The following RNF152 variants were observed in gnomAD, a reference collection of about 807,000 sequenced individuals.
RNF152 encodes the protein ring finger protein 152.
In RNF152, 11 loss-of-function variants were observed where a neutral mutation model predicts 12.7. That is an observed-to-expected ratio of 0.86 (90% CI 0.54 to 1.43). The LOEUF is 1.43. Ranked by LOEUF, RNF152 falls within the 40% of genes most tolerant of loss-of-function variation. The pLI, the probability that RNF152 is intolerant of heterozygous loss-of-function variation, is 0.00. For missense variants in RNF152, 255 were observed against 274.8 expected (o/e 0.93, Z 0.51); for synonymous variants, 113 against 120.3 (o/e 0.94, Z 0.40).
chr18:61,852,500 C>A (rs1162830379), intron 1 of RNF152, among the ~76,000 whole-genome samples: 1 of 152,206 alleles, frequency 6.6e-6, no homozygotes, highest in Non-Finnish European at 1.5e-5. Flanking sequence ...AGATGTAAGA[C>A]AGAGTCCTCA....
intron 1 of RNF152, among the ~76,000 whole-genome samples, chr18:61,838,061 A>G (rs1451188542): frequency 6.6e-6 from 1 of 152,218 alleles, no homozygotes; most frequent in African/African-American, 2.4e-5. Flanking sequence ...CCGTCCCCAC[A>G]TACAAAGGTA....
chr18:61,878,484 T>G (rs1912316328), intron 1 of RNF152, among the ~76,000 whole-genome samples: 1 of 152,244 alleles, frequency 6.6e-6, no homozygotes. Flanking sequence ...GTTAATCACT[T>G]GTTTGTTCAT....
chr18:61,822,495 G>A (rs1022382615), intron 1 of RNF152, among the ~76,000 whole-genome samples: 3 of 152,172 alleles, frequency 2.0e-5, no homozygotes, highest in African/African-American at 7.2e-5. Context: ...GTGACAAAGT[G>A]CGCGCATTCA....
intron 1 of RNF152, among the ~76,000 whole-genome samples, chr18:61,886,148 A>G (rs1372837697): frequency 1.3e-5 from 2 of 151,962 alleles, no homozygotes; most frequent in Non-Finnish European, 2.9e-5. Context: ...GGTCATTCTA[A>G]TTTGATTCAA....
chr18:61,877,548 A>C (rs1282875558), intron 1 of RNF152, among the ~76,000 whole-genome samples: 1 of 152,212 alleles, frequency 6.6e-6, no homozygotes, highest in Non-Finnish European at 1.5e-5. Flanking sequence ...TACACAGTGA[A>C]ATGAAAACTG....
intron 1 of RNF152, among the ~76,000 whole-genome samples, chr18:61,864,448 C>A (rs917999394): frequency 2.0e-5 from 3 of 152,200 alleles, no homozygotes; most frequent in Non-Finnish European, 4.4e-5. Context: ...ATTGGGTGCA[C>A]AGAGCTTCCA....
chr18:61,868,204 G>A (rs554470226), intron 1 of RNF152, among the ~76,000 whole-genome samples: 1 of 152,284 alleles, frequency 6.6e-6, no homozygotes, highest in Admixed American at 6.5e-5. Flanking sequence ...TAGACTTACA[G>A]CATATATCTG....
chr18:61,816,128 C>G lies in RNF152; in HGVS notation c.336G>C (p.Leu112=), dbSNP rs765453540. 7 of 1,614,104 alleles carry G rather than the reference C, an allele frequency of 4.3e-6. No individual in the cohort carries two copies. Among genetic ancestry groups the G allele is most frequent in the Non-Finnish European group, 5.9e-6 (7 of 1,180,048 alleles). Residue 112 remains leucine, a synonymous_variant, in exon 2 of 2, where the codon CTG becomes CTC. Coordinates refer to ENST00000312828, the MANE Select transcript of RNF152 (RefSeq NM_173557.3). ...LPLPISKERA[L]LPGDMGCRLL... ...GGCGGCAGCCCATGTCTCCGGGCAG[C>G]AGCGCACGCTCCTTGGAGATGGGCA...
chr18:61,847,453 C>T (rs908817692), intron 1 of RNF152, among the ~76,000 whole-genome samples: 1 of 152,198 alleles, frequency 6.6e-6, no homozygotes, highest in Non-Finnish European at 1.5e-5. Context: ...AAAAAATTCC[C>T]GCAAGTGTCC....
intron 1 of RNF152, among the ~76,000 whole-genome samples, chr18:61,826,495 C>T (rs190034559): frequency 4.6e-5 from 7 of 152,304 alleles, no homozygotes; most frequent in Admixed American, 1.3e-4. Flanking sequence ...ACCTTCCTCC[C>T]TTTCCCCTAC....
chr18:61,860,836 T>C (rs1054643872), intron 1 of RNF152, among the ~76,000 whole-genome samples: 10 of 152,350 alleles, frequency 6.6e-5, no homozygotes, highest in South Asian at 6.2e-4. Context: ...GGCAGTAATA[T>C]TGACAATCCT....
At position 61,816,136 on chromosome 18, in the gene RNF152, G is replaced by C. The variant is rs764716205; in HGVS notation, c.328C>G (p.Arg110Gly). Residue 110 changes from arginine (R) to glycine (G), a missense_variant, in exon 2 of 2, where the codon CGT becomes GGT. Arg to Gly is a moderately radical substitution (Grantham distance 125). Transcript: ENST00000312828. The stretch of plus-strand genomic sequence containing the variant: ...CCCATGTCTCCGGGCAGCAGCGCAC[G>C]CTCCTTGGAGATGGGCAGGGGCAGC... ...YMLPLPISKE[R>G]ALLPGDMGCR... The C allele has an allele frequency of 1.9e-6, 3 of 1,614,202 alleles. No individual in the cohort carries two copies. The highest frequency in any genetic ancestry group is 2.5e-6 in the Non-Finnish European group (3 of 1,180,014).
intron 1 of RNF152, among the ~76,000 whole-genome samples, chr18:61,890,044 A>C (rs991113291): frequency 6.6e-6 from 1 of 152,248 alleles, no homozygotes; most frequent in African/African-American, 2.4e-5. Context: ...CATGTTAGTA[A>C]ATACCATATC....
intron 1 of RNF152, among the ~76,000 whole-genome samples, chr18:61,862,624 C>A (rs904943402): frequency 6.6e-6 from 1 of 152,210 alleles, no homozygotes; most frequent in Non-Finnish European, 1.5e-5. Context: ...GTGGCACCCA[C>A]GGAGGGCATA....
intron 1 of RNF152, among the ~76,000 whole-genome samples, chr18:61,856,827 G>A (rs572446653): frequency 1.3e-5 from 2 of 152,232 alleles, no homozygotes; most frequent in South Asian, 4.1e-4. Flanking sequence ...TGAAGTGGGA[G>A]AGCCCAGGAA....
chr18:61,836,664 T>C (rs1910202007), intron 1 of RNF152, among the ~76,000 whole-genome samples: 1 of 152,130 alleles, frequency 6.6e-6, no homozygotes, highest in Non-Finnish European at 1.5e-5. Flanking sequence ...CAGTCAATGT[T>C]GTTTTGTTAT....
chr18:61,809,470 T>C lies in RNF152; in HGVS notation c.*6382A>G, dbSNP rs1344639614. 1 of 152,206 alleles carries C rather than the reference T, an allele frequency of 6.6e-6. No individual in the cohort carries two copies. Among genetic ancestry groups the C allele is most frequent in the Non-Finnish European group, 1.5e-5 (1 of 68,030 alleles). 9.4% of individuals were successfully genotyped at this position (152,206 alleles called of 1,614,324 possible). A position where few individuals can be genotyped will look rare whatever the true frequency, so the allele number is the denominator to read the frequency against. On this transcript the variant is annotated 3_prime_UTR_variant, in exon 2 of 2. Coordinates refer to ENST00000312828, the MANE Select transcript of RNF152 (RefSeq NM_173557.3). ...CTTCTGGATTTTCAAAAAGCAAATG[T>C]TGAATTAAAAATGGGCCATCCCTTT...
chr18:61,819,271 G>C (rs1462422451), intron 1 of RNF152, among the ~76,000 whole-genome samples: 2 of 152,208 alleles, frequency 1.3e-5, no homozygotes, highest in Admixed American at 1.3e-4. Context: ...AGATCCCACA[G>C]GGAGGGGAGA....
rs143859398 is a variant in RNF152, at chr18:61,886,688, C to G, written c.-136+6107G>C. Reference sequence around the variant, plus strand: ...TCACTGGAACTCTTGGGAAATGTGGCTTGATGACAAGACATCCTGGGACAT... The same window carrying G: ...TCACTGGAACTCTTGGGAAATGTGGGTTGATGACAAGACATCCTGGGACAT... On this transcript the variant is annotated intron_variant, in intron 1 of 1. Coordinates refer to ENST00000312828, the MANE Select transcript of RNF152 (RefSeq NM_173557.3). Among the ~76,000 whole-genome samples the G allele has an allele frequency of 9.6e-3, 1,464 of 152,282 alleles. 10 individuals are homozygous for G. The highest frequency in any genetic ancestry group is 0.015 in the Non-Finnish European group (1,002 of 68,026).
Sources: gnomAD v4.1 joint callset for allele counts (sites outside exome capture counted in the v4.1 genomes callset) on GRCh38, gnomAD v4.1.1 for gene constraint, MANE v1.5 for transcripts, NCBI Gene and HGNC (gene_info 2026-07-23, HGNC 2026-07-21) for gene names.